Variants in LAMC1 observed in about 807,000 individuals in gnomAD.
LAMC1 encodes the protein laminin subunit gamma-1.
LAMC1 carries 38 observed loss-of-function variants against 173.6 expected under a neutral mutation model. The ratio of observed to expected loss-of-function variants is 0.22; its 90% CI spans 0.17 to 0.29. The LOEUF is 0.29. Ranked by LOEUF, LAMC1 falls within the 10% of genes least tolerant of loss-of-function variation. The pLI is 1.00. For synonymous variants in LAMC1, 746 were observed against 749.1 expected (o/e 1.00, Z 0.07); for missense variants, 1,824 against 2,051.8 (o/e 0.89, Z 2.14).
chr1:183,142,652 A>G lies in LAMC1; in HGVS notation c.4692A>G (p.Glu1564=), dbSNP rs531739693. The G allele has an allele frequency of 2.5e-6, 4 of 1,614,148 alleles. No individual in the cohort carries two copies. The highest frequency in any genetic ancestry group is 4.5e-5 in the East Asian group (2 of 44,880). ...LDRKVSDLEN[E]AKKQEAAIMD... ...GGAAAGTGTCTGACCTGGAGAATGAAGCCAAGAAGCAGGAGGCTGCCATCA... is the reference window on the plus strand; with the variant it reads ...GGAAAGTGTCTGACCTGGAGAATGAGGCCAAGAAGCAGGAGGCTGCCATCA... Residue 1564 remains glutamate, a synonymous_variant, in exon 28 of 28, where the codon GAA becomes GAG. Transcript: ENST00000258341.
chr1:183,130,540 T>G lies in LAMC1; in HGVS notation c.3477T>G (p.Ala1159=). Reference sequence around the variant, plus strand: ...AACTTGAGAAAGCAAAAGTCGCTGCTGCCAATGTGGTAAGTGATTGCAAAC... The same window carrying G: ...AACTTGAGAAAGCAAAAGTCGCTGCGGCCAATGTGGTAAGTGATTGCAAAC... ...SRELEKAKVA[A]ANVSVTQPES... Residue 1159 remains alanine (A), a synonymous_variant, in exon 19 of 28, where the codon GCT becomes GCG. Transcript: ENST00000258341. 6.2e-7 allele frequency: 1 copy of G among 1,614,082 alleles called. No individual in the cohort carries two copies. Among genetic ancestry groups the G allele is most frequent in the Non-Finnish European group, 8.5e-7 (1 of 1,179,926 alleles).
At chr1:183,100,399 C>G (rs1388826602) in intron 1 of LAMC1, among the ~76,000 whole-genome samples, 1 of 152,190 alleles carries the variant, frequency 6.6e-6, no homozygotes, top group Admixed American at 6.5e-5. Flanking sequence ...TAAACATGAC[C>G]GTAGCCTGGT....
Position 183,077,776 on chromosome 1 carries a change from G to GTGTGTGTGTGTGTATATATATATA in LAMC1, c.419-25551_419-25550insGTGTGTGTGTGTATATATATATAT. On this transcript the variant is annotated intron_variant, in intron 1 of 27. Transcript: ENST00000258341. The stretch of plus-strand genomic sequence containing the variant: ...TGAATAGTATTTTTATGGCCATTGT[G>GTGTGTGTGTGTGTATATATATATA]TATATATATATATATATATACAGTA... Among the ~76,000 whole-genome samples the GTGTGTGTGTGTGTATATATATATA allele has an allele frequency of 2.6e-4, 30 of 116,558 alleles. 2 individuals are homozygous for GTGTGTGTGTGTGTATATATATATA. The highest frequency in any genetic ancestry group is 3.9e-4 in the Non-Finnish European group (21 of 53,168). The allele number at this position is 116,558 out of a possible 152,430, so 76.5% of individuals were successfully genotyped here. A position where few individuals can be genotyped will look rare whatever the true frequency, so the allele number is the denominator to read the frequency against.
chr1:183,050,719 C>A (rs1399620252), intron 1 of LAMC1, among the ~76,000 whole-genome samples: 1 of 149,918 alleles, frequency 6.7e-6, no homozygotes, highest in East Asian at 2.0e-4. Context: ...TGGTGAAACC[C>A]CGTCTCTACT....
At chr1:183,036,752 A>G (rs1004206136) in intron 1 of LAMC1, among the ~76,000 whole-genome samples, 2 of 150,894 alleles carry the variant, frequency 1.3e-5, no homozygotes, top group Non-Finnish European at 3.0e-5. Flanking sequence ...GTGAAGAACA[A>G]AGGATTGTTT....
Position 183,108,320 on chromosome 1 carries a change from G to A in LAMC1, c.768G>A (p.Leu256=). ...ATDIRVTLNR[L]NTFGDEVFND... ...ACATCAGAGTAACTCTTAATCGCCTGAACACTTTTGGAGATGAAGTGTTTA... is the reference window on the plus strand; with the variant it reads ...ACATCAGAGTAACTCTTAATCGCCTAAACACTTTTGGAGATGAAGTGTTTA... The change falls in exon 3 of 28, where the codon CTG becomes CTA. Residue 256 remains leucine, a synonymous_variant. Coordinates refer to ENST00000258341, the MANE Select transcript of LAMC1 (RefSeq NM_002293.4). The A allele has an allele frequency of 6.2e-7, 1 of 1,613,336 alleles. No homozygotes were observed. The highest frequency in any genetic ancestry group is 2.2e-5 in the East Asian group (1 of 44,848).
intron 1 of LAMC1, among the ~76,000 whole-genome samples, chr1:183,041,614 A>C (rs999242576): frequency 6.6e-6 from 1 of 152,204 alleles, no homozygotes; most frequent in Non-Finnish European, 1.5e-5. Context: ...TAGATTTCTT[A>C]ATTCATTCAT....
intron 1 of LAMC1, among the ~76,000 whole-genome samples, chr1:183,038,037 A>ATT (rs35049638): frequency 0.35 from 48,236 of 136,732 alleles, 9,031 homozygotes; most frequent in East Asian, 0.48. Flanking sequence ...CATTGTATGT[A>ATT]TTTTTTTTTT....
chr1:183,028,643 A>G (rs1653757584), intron 1 of LAMC1, among the ~76,000 whole-genome samples: 1 of 152,220 alleles, frequency 6.6e-6, no homozygotes. Flanking sequence ...AGTCTCTCGA[A>G]AGAAAGTCTA....
intron 1 of LAMC1, among the ~76,000 whole-genome samples, chr1:183,046,230 C>G (rs537305340): frequency 6.6e-6 from 1 of 152,006 alleles, no homozygotes; most frequent in Non-Finnish European, 1.5e-5. Flanking sequence ...TATCTGGAGT[C>G]GATTCATGTG....
At chr1:183,038,877 T>C (rs1654051903) in intron 1 of LAMC1, among the ~76,000 whole-genome samples, 1 of 152,214 alleles carries the variant, frequency 6.6e-6, no homozygotes, top group Non-Finnish European at 1.5e-5. Context: ...GAAAAATATT[T>C]GGCTAACTAG....
chr1:183,037,932 A>G (rs886592621), intron 1 of LAMC1, among the ~76,000 whole-genome samples: 4 of 152,062 alleles, frequency 2.6e-5, no homozygotes, highest in Admixed American at 2.6e-4. Flanking sequence ...TTATAGTAGA[A>G]CTTCACAGGT....
At chr1:183,093,848 A>G (rs1418416603) in intron 1 of LAMC1, among the ~76,000 whole-genome samples, 1 of 152,148 alleles carries the variant, frequency 6.6e-6, no homozygotes, top group Non-Finnish European at 1.5e-5. Context: ...CCCTCAAAAT[A>G]TGTCCAAAAT....
intron 1 of LAMC1, among the ~76,000 whole-genome samples, chr1:183,088,902 T>C (rs1439691126): frequency 2.0e-5 from 3 of 152,116 alleles, no homozygotes; most frequent in Admixed American, 2.0e-4. Context: ...CTGTAGGATA[T>C]AGTTTGGAGA....
rs768747094 is a variant in LAMC1, at chr1:183,117,712, G to C, written c.1866G>C (p.Lys622Asn). ...GNSYPSETTV[K>N]YVFRLHEATD... is the part of the protein sequence containing the mutation. ...CCTATCCAAGTGAGACCACTGTGAA[G>C]TATGTCTTCAGGTAAGATAGCCTTC... Residue 622 changes from lysine (K) to asparagine (N), a missense_variant, in exon 10 of 28, where the codon AAG becomes AAC. By Grantham distance (94) the Lys-to-Asn change is moderately conservative. Transcript: ENST00000258341. The C allele has an allele frequency of 6.8e-6, 11 of 1,613,496 alleles. No homozygotes were observed. The highest frequency in any genetic ancestry group is 9.3e-6 in the Non-Finnish European group (11 of 1,179,660).
chr1:183,100,824 G>A (rs1259982314), intron 1 of LAMC1, among the ~76,000 whole-genome samples: 1 of 152,176 alleles, frequency 6.6e-6, no homozygotes, highest in African/African-American at 2.4e-5. Flanking sequence ...CTGCCACAGA[G>A]CTCCCTCATT....
chr1:183,076,549 G>A (rs1655123827), intron 1 of LAMC1, among the ~76,000 whole-genome samples: 1 of 152,138 alleles, frequency 6.6e-6, no homozygotes, highest in South Asian at 2.1e-4. Flanking sequence ...AACCAAGCTG[G>A]GTGAGAAGGC....
At chr1:183,067,707 G>T (rs183286154) in intron 1 of LAMC1, among the ~76,000 whole-genome samples, 20 of 152,144 alleles carry the variant, frequency 1.3e-4, no homozygotes, top group Admixed American at 6.6e-4. Flanking sequence ...GGCCAGGCTG[G>T]TGTCAAACTC....
intron 25 of LAMC1, 30 bp downstream of exon 25, chr1:183,136,615 T>C: frequency 6.5e-7 from 1 of 1,531,898 alleles, no homozygotes. Context: ...CAAGAGTCCC[T>C]GCCCATATCT....
Sources: gnomAD v4.1 joint callset for allele counts (sites outside exome capture counted in the v4.1 genomes callset) on GRCh38, gnomAD v4.1.1 for gene constraint, MANE v1.5 for transcripts, NCBI Gene and HGNC (gene_info 2026-07-23, HGNC 2026-07-21) for gene names.